TSBP1: variants seen among roughly 807,000 people sequenced by gnomAD.
TSBP1 encodes testis-expressed basic protein 1.
A neutral mutation model predicts 68.8 loss-of-function variants in TSBP1; 56 were observed. That is an observed-to-expected ratio of 0.81 (90% confidence interval 0.66 to 1.02). The LOEUF (loss-of-function observed/expected upper bound fraction) is 1.02. TSBP1 is among the 50% of genes least tolerant of loss of function. The pLI is 0.00. For synonymous variants in TSBP1, 171 were observed against 208.7 expected, an observed-to-expected ratio of 0.82 and a Z score of 1.56; for missense variants, 502 against 641.2, an observed-to-expected ratio of 0.78 and a Z score of 2.34.
intron 20 of TSBP1, among the ~76,000 whole-genome samples, chr6:32,301,993 A>ATAT (rs1426569606): frequency 6.7e-5 from 10 of 149,478 alleles, no homozygotes; most frequent in African/African-American, 2.4e-4. Context: ...AATAATAATA[A>ATAT]TATTTTGTGG....
intron 18 of TSBP1, chr6:32,320,139 A>G (rs1452109231): frequency 2.2e-6 from 1 of 454,236 alleles, no homozygotes; most frequent in Non-Finnish European, 4.4e-6. Flanking sequence ...GCTATCTTTC[A>G]TGGATATTCT....
intron 6 of TSBP1, among the ~76,000 whole-genome samples, chr6:32,358,737 C>A (rs1029345542): frequency 2.0e-4 from 30 of 151,954 alleles, no homozygotes; most frequent in Admixed American, 7.2e-4. Context: ...CTACAAAGGA[C>A]ACGAACTCAT....
intron 16 of TSBP1, among the ~76,000 whole-genome samples, chr6:32,329,060 T>A (rs1768609850): frequency 6.6e-6 from 1 of 152,242 alleles, no homozygotes; most frequent in Non-Finnish European, 1.5e-5. Flanking sequence ...TTACTAGGGC[T>A]GTTGCGAGCC....
At chr6:32,324,609 A>G (rs752099949) in intron 16 of TSBP1, 1 of 1,475,658 alleles carries the variant, frequency 6.8e-7, no homozygotes, top group Non-Finnish European at 9.0e-7. Flanking sequence ...GGACTCCACT[A>G]GAGACCGAGT....
intron 6 of TSBP1, among the ~76,000 whole-genome samples, chr6:32,362,059 G>A (rs1437138330): frequency 2.0e-5 from 3 of 152,022 alleles, no homozygotes; most frequent in Non-Finnish European, 4.4e-5. Flanking sequence ...GGGAGGCCGA[G>A]GTGGGCGGAT....
intron 9 of TSBP1, among the ~76,000 whole-genome samples, chr6:32,341,332 A>G (rs919356787): frequency 6.6e-6 from 1 of 152,166 alleles, no homozygotes; most frequent in African/African-American, 2.4e-5. Context: ...AGAGAGTACC[A>G]CATTTTCCAT....
At chr6:32,362,710 T>C (rs1311716884) in intron 6 of TSBP1, among the ~76,000 whole-genome samples, 1 of 152,216 alleles carries the variant, frequency 6.6e-6, no homozygotes, top group Non-Finnish European at 1.5e-5. Flanking sequence ...CTAAAACAAC[T>C]TGCAAAGACC....
intron 19 of TSBP1, among the ~76,000 whole-genome samples, chr6:32,313,501 T>C (rs1229711704): frequency 6.6e-6 from 1 of 152,232 alleles, no homozygotes; most frequent in African/African-American, 2.4e-5. Context: ...GGTTTCTTAT[T>C]TTAGTCTTCT....
intron 10 of TSBP1, 128 bp downstream of exon 11, chr6:32,339,472 A>G: frequency 2.7e-6 from 2 of 743,990 alleles, no homozygotes; most frequent in South Asian, 2.7e-5. Context: ...GGTAGCAGGC[A>G]CATTATAGAA....
Position 32,336,006 on chromosome 6 carries a change from C to T in TSBP1, c.431-74G>A, listed in dbSNP as rs529348740. On this transcript the variant is annotated intron_variant, in intron 12 of 22. Coordinates refer to ENST00000612031, the Ensembl canonical transcript of TSBP1. The surrounding 1 kb of genome is among the most constrained non-coding windows in gnomAD (Gnocchi z 5.2). ...CACTGTGAAGGAAATTTCCATTTCC[C>T]AACACTCGCTCTAGGGAGTATCATA... 1.5e-5 allele frequency: 19 copies of T among 1,228,340 alleles called. No individual in the cohort carries two copies. The highest frequency in any genetic ancestry group is 1.2e-4 in the Admixed American group (7 of 59,014). 76.1% of individuals were successfully genotyped at this position (1,228,340 alleles called of 1,614,324 possible).
chr6:32,321,548 C>T lies in TSBP1; in HGVS notation c.559+1569G>A, dbSNP rs1480788968. ...GGATTTTGCAGCCTCATCTCTGGGT[C>T]GGAACCATTGTCTCTGTATTTTTAT... On this transcript the variant is annotated intron_variant, in intron 18 of 22. Transcript: ENST00000612031. The surrounding 1 kb of genome is among the most constrained non-coding windows in gnomAD (Gnocchi z 4.3). Among the ~76,000 whole-genome samples, 1 of 152,144 alleles carries T rather than the reference C, an allele frequency of 6.6e-6. No homozygotes were observed. Among genetic ancestry groups the T allele is most frequent in the African/African-American group, 2.4e-5 (1 of 41,424 alleles).
At position 32,302,558 on chromosome 6, in the gene TSBP1, C is replaced by A; in HGVS notation, c.601+51G>T. ...AAAACATTTGTAGAAAAAATTTGCT[C>A]ACCCCAGCCCTACAAGAAACTAATG... On this transcript the variant is annotated intron_variant, in intron 20 of 22. Coordinates refer to ENST00000612031, the Ensembl canonical transcript of TSBP1. This position sits in a 1 kb window ranked among gnomAD's most constrained non-coding sequence, Gnocchi z 5.1. The A allele has an allele frequency of 1.6e-6, 2 of 1,241,750 alleles. No individual in the cohort carries two copies. The highest frequency in any genetic ancestry group is 2.3e-6 in the Non-Finnish European group (2 of 858,052). 76.9% of individuals were successfully genotyped at this position (1,241,750 alleles called of 1,614,324 possible).
intron 6 of TSBP1, among the ~76,000 whole-genome samples, chr6:32,359,892 T>C: frequency 6.6e-6 from 1 of 152,118 alleles, no homozygotes; most frequent in Admixed American, 6.5e-5. Context: ...TTTTCTTTTC[T>C]TTAGCTTTAT....
Position 32,325,344 on chromosome 6 carries a change from C to T in TSBP1, c.515-1730G>A, listed in dbSNP as rs145306895. 1.9e-6 allele frequency: 2 copies of T among 1,047,708 alleles called. No homozygotes were observed. The highest frequency in any genetic ancestry group is 2.9e-6 in the Non-Finnish European group (2 of 680,682). 64.9% of individuals were successfully genotyped at this position (1,047,708 alleles called of 1,614,324 possible). A position where few individuals can be genotyped will look rare whatever the true frequency, so the allele number is the denominator to read the frequency against. On this transcript the variant is annotated intron_variant, in intron 16 of 22. Transcript: ENST00000612031. The surrounding 1 kb of genome is among the most constrained non-coding windows in gnomAD (Gnocchi z 4.4). ...TTGAGCAGTGAGGGACACTCCCGGA[C>T]AGTGTGGTCATGAGAGATCCAAACC...
chr6:32,352,677 G>A, intron 8 of TSBP1, among the ~76,000 whole-genome samples: 1 of 151,422 alleles, frequency 6.6e-6, no homozygotes, highest in South Asian at 2.1e-4. Flanking sequence ...AAAGACACAA[G>A]ACAAAAACAA....
In TSBP1 at chr6:32,323,668, T is replaced by G. The variant is rs1048174873; in HGVS notation, c.515-54A>C. The G allele has an allele frequency of 1.6e-5, 25 of 1,559,514 alleles. No individual in the cohort carries two copies. The African/African-American group carries it at 3.0e-4, about 19-fold the overall frequency. ...TGTTTTTTCTCCCATGATATTTTCC[T>G]TTCTATGTAGAGAGTTTCTTCTTGG... On this transcript the variant is annotated intron_variant, in intron 16 of 22. Coordinates refer to ENST00000612031, the Ensembl canonical transcript of TSBP1.
At chr6:32,318,156 G>A (rs1767177264) in intron 18 of TSBP1, among the ~76,000 whole-genome samples, 1 of 152,186 alleles carries the variant, frequency 6.6e-6, no homozygotes, top group Non-Finnish European at 1.5e-5. Context: ...CAGGAACATG[G>A]ATGGAGCTGG....
intron 8 of TSBP1, among the ~76,000 whole-genome samples, chr6:32,351,897 T>G (rs184007518): frequency 6.6e-6 from 1 of 152,194 alleles, no homozygotes; most frequent in African/African-American, 2.4e-5. Context: ...TATATTTACT[T>G]AGGAACAAAC....
chr6:32,294,112 G>C, intron 22 of TSBP1, 77 bp from the exon 26 acceptor site: 1 of 1,573,734 alleles, frequency 6.4e-7, no homozygotes. Flanking sequence ...CCTTGATACT[G>C]GTTCCTTTTT....
Sources: allele counts gnomAD v4.1 joint callset (sites outside exome capture counted in the v4.1 genomes callset), GRCh38; gene constraint gnomAD v4.1.1; non-coding constraint Gnocchi (gnomAD v3.1); transcripts MANE v1.5; gene names NCBI Gene and HGNC (gene_info 2026-07-23, HGNC 2026-07-21).